ACACA: variants seen among roughly 807,000 people sequenced by gnomAD.
ACACA encodes acetyl-CoA carboxylase 1.
ACACA carries 103 observed loss-of-function variants against 296.1 expected under a neutral mutation model. That is an observed-to-expected ratio of 0.35 (90% CI 0.30 to 0.41). ACACA has a LOEUF of 0.41. Ranked by LOEUF, ACACA falls within the 10% of genes least tolerant of loss-of-function variation. The pLI is 1.00. For synonymous variants in ACACA, 953 were observed against 1,038.6 expected (o/e 0.92, Z 1.58); for missense variants, 1,554 against 2,989.7 (o/e 0.52, Z 11.20).
chr17:37,188,153 T>C, intron 39 of ACACA, 124 bp downstream of exon 39: 1 of 948,272 alleles, frequency 1.1e-6, no homozygotes, highest in Non-Finnish European at 1.7e-6. Context: ...CATTTAATCT[T>C]ATAGAGGATA....
intron 45 of ACACA, among the ~76,000 whole-genome samples, chr17:37,136,710 A>G (rs911417246): frequency 1.3e-5 from 2 of 152,196 alleles, no homozygotes; most frequent in African/African-American, 2.4e-5. Context: ...TGGGAGGCCT[A>G]GGCAGGCAGA....
intron 38 of ACACA, among the ~76,000 whole-genome samples, chr17:37,190,573 C>A (rs6607365): frequency 6.0e-4 from 91 of 152,134 alleles, no homozygotes; most frequent in Admixed American, 1.0e-3. Context: ...TCAGAATAGA[C>A]CCTCAGGGAA....
At chr17:37,181,141 G>T in intron 40 of ACACA, 60 bp downstream of exon 40, 1 of 1,593,442 alleles carries the variant, frequency 6.3e-7, no homozygotes, top group South Asian at 1.1e-5. Context: ...GCATCTGATG[G>T]AAATTCAGGG....
chr17:37,104,944 G>C (rs77612422), intron 52 of ACACA, among the ~76,000 whole-genome samples: 1 of 56,648 alleles, frequency 1.8e-5, no homozygotes, highest in Non-Finnish European at 3.3e-5. Context: ...GTCTCTGACC[G>C]AAAAAAAAAA....
At chr17:37,234,461 C>T (rs768539616) in intron 25 of ACACA, among the ~76,000 whole-genome samples, 11 of 152,054 alleles carry the variant, frequency 7.2e-5, no homozygotes, top group Admixed American at 2.0e-4. Flanking sequence ...CATTTACTAC[C>T]AATACAATAA....
intron 1 of ACACA, chr17:37,392,830 A>G (rs2050938077): frequency 6.6e-6 from 1 of 152,136 alleles, no homozygotes; most frequent in Non-Finnish European, 1.5e-5. Context: ...TAATGAGGAT[A>G]TGTTTCAAAG....
intron 1 of ACACA, among the ~76,000 whole-genome samples, chr17:37,374,432 A>G (rs1316868827): frequency 1.1e-4 from 16 of 151,740 alleles, no homozygotes; most frequent in Admixed American, 8.5e-4. Flanking sequence ...GATTACAAAC[A>G]TGCGCCACCA....
At chr17:37,405,056 C>A (rs1174081503) in intron 1 of ACACA, among the ~76,000 whole-genome samples, 1 of 152,188 alleles carries the variant, frequency 6.6e-6, no homozygotes, top group African/African-American at 2.4e-5. Flanking sequence ...CCATGCCAAA[C>A]AAATCCCCAT....
chr17:37,271,273 T>G (rs926977094), intron 9 of ACACA, among the ~76,000 whole-genome samples: 1 of 152,204 alleles, frequency 6.6e-6, no homozygotes, highest in Admixed American at 6.5e-5. Context: ...CACAGCACTT[T>G]GGGAGGCCAA....
intron 3 of ACACA, among the ~76,000 whole-genome samples, chr17:37,322,751 A>G (rs1165497051): frequency 6.6e-6 from 1 of 152,120 alleles, no homozygotes; most frequent in African/African-American, 2.4e-5. Flanking sequence ...GAAAGAGAGG[A>G]GGGACGTCTG....
chr17:37,390,330 A>ATATATATATATATATCTATATC (rs1386032855), intron 1 of ACACA, among the ~76,000 whole-genome samples: 5 of 41,580 alleles, frequency 1.2e-4, no homozygotes, highest in Admixed American at 5.0e-4. Flanking sequence ...ATATATATAT[A>ATATATATATATATATCTATATC]TATAAAAGGC....
chr17:37,193,458 C>T, intron 35 of ACACA, 43 bp from the exon 36 acceptor site: 4 of 1,445,988 alleles, frequency 2.8e-6, no homozygotes, highest in Non-Finnish European at 2.9e-6. Flanking sequence ...AGTTCATAGA[C>T]ATGGCTCTTT....
Position 37,122,609 on chromosome 17 carries a change from C to A in ACACA, c.6060G>T (p.Val2020=). Residue 2020 remains valine, a synonymous_variant, in exon 49 of 56, where the codon GTG becomes GTT. Transcript: ENST00000616317. The part of the protein sequence containing the change: ...VGRARLGGIP[V]GVVAVETRTV... ...TTCGGGTTTCTACAGCAACAACTCC[C>A]ACAGGTATTCCTCCTAGCCTGATAA... is the stretch of plus-strand genomic sequence containing the variant. 6.2e-7 allele frequency: 1 copy of A among 1,614,152 alleles called. No homozygotes were observed.
chr17:37,368,245 C>T (rs1714623), intron 1 of ACACA, among the ~76,000 whole-genome samples: 6,430 of 152,192 alleles, frequency 0.042, 440 homozygotes, highest in African/African-American at 0.15. Context: ...GCACTCCAGC[C>T]TGGGTGACAG....
chr17:37,377,878 G>A (rs1352133341), intron 1 of ACACA: 2 of 1,607,446 alleles, frequency 1.2e-6, no homozygotes, highest in Admixed American at 1.7e-5. Context: ...CTCACCCCCA[G>A]ACCTCAGAGA....
At chr17:37,283,935 A>C (rs1378432344) in intron 4 of ACACA, among the ~76,000 whole-genome samples, 1 of 152,220 alleles carries the variant, frequency 6.6e-6, no homozygotes, top group Non-Finnish European at 1.5e-5. Flanking sequence ...GAAAAATAGA[A>C]TAATCCTGAG....
chr17:37,093,584 A>T (rs2072787390), intron 54 of ACACA, among the ~76,000 whole-genome samples: 2 of 152,040 alleles, frequency 1.3e-5, no homozygotes, highest in Admixed American at 1.3e-4. Context: ...TATAACCTCA[A>T]ATTCCTTGGC....
chr17:37,252,694 G>A (rs1469051935), intron 15 of ACACA, among the ~76,000 whole-genome samples, 192 bp downstream of exon 15: 1 of 152,188 alleles, frequency 6.6e-6, no homozygotes, highest in Non-Finnish European at 1.5e-5. Flanking sequence ...AGTAATGCTA[G>A]AACATAAAAT....
intron 33 of ACACA, among the ~76,000 whole-genome samples, chr17:37,205,368 A>G (rs2078449785): frequency 6.6e-6 from 1 of 152,090 alleles, no homozygotes; most frequent in Admixed American, 6.5e-5. Context: ...AATTGAAAGG[A>G]GGATAGATGT....
Sources: allele counts gnomAD v4.1 joint callset (sites outside exome capture counted in the v4.1 genomes callset), GRCh38; gene constraint gnomAD v4.1.1; transcripts MANE v1.5; gene names NCBI Gene and HGNC (gene_info 2026-07-23, HGNC 2026-07-21).